The following GATA5 variants were observed in gnomAD, a reference collection of about 807,000 sequenced individuals.
GATA5 encodes the protein GATA binding protein 5, also known as transcription factor GATA-5.
A neutral mutation model predicts 35.0 loss-of-function variants in GATA5; 27 were observed. The observed-to-expected ratio is 0.77, with a 90% confidence interval of 0.57 to 1.06. The LOEUF is 1.06. GATA5 is among the 50% of genes least tolerant of loss of function. The probability of loss-of-function intolerance (pLI) is 0.00; values close to 1 mark genes in which losing one functional copy is unlikely to be tolerated. For missense variants in GATA5, 612 were observed against 580.0 expected (o/e 1.06, Z -0.57); for synonymous variants, 306 against 267.8 (o/e 1.14, Z -1.39).
rs202078502 is a variant in GATA5, at chr20:62,464,909, G to A, written c.1121C>T (p.Thr374Met). Residue 374 changes from threonine to methionine, a missense_variant, in exon 7 of 7, where the codon ACG becomes ATG. By Grantham distance (81) the Thr-to-Met change is moderately conservative (BLOSUM62 -1). Coordinates refer to ENST00000252997, the MANE Select transcript of GATA5 (RefSeq NM_080473.5). ...GAGGCCAGCCTGGGGGCTTGGGGCC[G>A]TGGAGGGGAAGGCAAAGTCCTCAGG... ...FEPEDFAFPS[T>M]APSPQAGLRG... 3.0e-5 allele frequency: 49 copies of A among 1,611,218 alleles called. No homozygotes were observed. Among genetic ancestry groups the A allele is most frequent in the Admixed American group, 2.2e-4 (13 of 59,734 alleles).
At chr20:62,468,135 C>T (rs1003768645) in intron 3 of GATA5, among the ~76,000 whole-genome samples, 14 of 150,510 alleles carry the variant, frequency 9.3e-5, no homozygotes, top group African/African-American at 3.5e-4. Context: ...CACAGCCAGC[C>T]TCGGCTTCCC....
intron 3 of GATA5, 30 bp from the exon 4 acceptor site, chr20:62,466,581 C>T: frequency 6.5e-7 from 1 of 1,536,486 alleles, no homozygotes; most frequent in Non-Finnish European, 8.8e-7. Flanking sequence ...TGGAGTGAGC[C>T]CCGGGCCGGG....
At chr20:62,468,504 C>T (rs1555896294) in intron 3 of GATA5, among the ~76,000 whole-genome samples, 1 of 152,240 alleles carries the variant, frequency 6.6e-6, no homozygotes, top group Non-Finnish European at 1.5e-5. Context: ...CCCTCAACCC[C>T]CAGCCACAGC....
At chr20:62,475,573 A>C in intron 1 of GATA5, 31 bp from the exon 2 acceptor site, 42 of 1,219,680 alleles carry the variant, frequency 3.4e-5, no homozygotes, top group Non-Finnish European at 4.0e-5. Flanking sequence ...TGTGGAGGTC[A>C]CGGGAGCTCT....
At chr20:62,473,737 A>T (rs1569048589) in intron 2 of GATA5, among the ~76,000 whole-genome samples, 159 bp from the exon 3 acceptor site, 1 of 152,202 alleles carries the variant, frequency 6.6e-6, no homozygotes, top group Admixed American at 6.5e-5. Context: ...TTTATTTTAA[A>T]ATTTATTTGC....
At chr20:62,474,929 C>T (rs1989814650) in intron 2 of GATA5, 70 bp downstream of exon 2, 8 of 1,213,522 alleles carry the variant, frequency 6.6e-6, no homozygotes, top group Non-Finnish European at 8.3e-6. Context: ...GGGAGCGTTT[C>T]GCAGGGTGCG....
chr20:62,467,144 C>T (rs139206176), intron 3 of GATA5, among the ~76,000 whole-genome samples: 53 of 152,340 alleles, frequency 3.5e-4, no homozygotes, highest in African/African-American at 1.2e-3. Flanking sequence ...CCCTCCTTCC[C>T]GTGGCTCTCA....
At chr20:62,466,112 C>T (rs1268362367) in intron 4 of GATA5, among the ~76,000 whole-genome samples, 191 bp from the exon 5 acceptor site, 15 of 152,228 alleles carry the variant, frequency 9.9e-5, no homozygotes, top group African/African-American at 2.4e-5. Flanking sequence ...CCCATTCCCC[C>T]GTCCGACAGA....
In GATA5 at chr20:62,464,662, CG is replaced by C; in HGVS notation, c.*173del. Reference sequence around the variant, plus strand: ...TCACCAGCCTTCTTGCTCTGGGGCCCGACTGCCGTCTGTCCAGAAGGCCTCC... The same window carrying C: ...TCACCAGCCTTCTTGCTCTGGGGCCCACTGCCGTCTGTCCAGAAGGCCTCC... On this transcript the variant is annotated 3_prime_UTR_variant, in exon 7 of 7. Coordinates refer to ENST00000252997, the MANE Select transcript of GATA5 (RefSeq NM_080473.5). 7.6e-6 allele frequency: 4 copies of C among 525,576 alleles called. No individual in the cohort carries two copies. Among genetic ancestry groups the C allele is most frequent in the Non-Finnish European group, 6.4e-6 (2 of 311,500 alleles). 32.6% of individuals were successfully genotyped at this position (525,576 alleles called of 1,614,324 possible).
chr20:62,475,094 G>C lies in GATA5; in HGVS notation c.428C>G (p.Pro143Arg), dbSNP rs2146490220. Reference sequence around the variant, plus strand: ...GGCCACGTCGGGGCTCACGTAGGCCGGGTAGGTGGCGGAGTACGAGGTCCC... The same window carrying C: ...GGCCACGTCGGGGCTCACGTAGGCCCGGTAGGTGGCGGAGTACGAGGTCCC... ...PVGTSYSATY[P>R]AYVSPDVAQS... The change falls in exon 2 of 7, where the codon CCG becomes CGG. Residue 143 changes from proline (P) to arginine (R), a missense_variant. Pro to Arg is a moderately radical substitution (Grantham distance 103). Transcript: ENST00000252997. 4 of 1,404,566 alleles carry C rather than the reference G, an allele frequency of 2.8e-6. No individual in the cohort carries two copies. Among genetic ancestry groups the C allele is most frequent in the Non-Finnish European group, 2.8e-6 (3 of 1,075,826 alleles). The allele number at this position is 1,404,566 out of a possible 1,614,324, so 87.0% of individuals were successfully genotyped here. A position where few individuals can be genotyped will look rare whatever the true frequency, so the allele number is the denominator to read the frequency against.
intron 4 of GATA5, 66 bp from the exon 5 acceptor site, chr20:62,465,987 C>G: frequency 9.0e-7 from 1 of 1,115,592 alleles, no homozygotes; most frequent in South Asian, 1.3e-5. Context: ...TTGCACAGCA[C>G]CCCCTCATTC....
chr20:62,473,829 A>AT (rs1225542360), intron 2 of GATA5, among the ~76,000 whole-genome samples: 1 of 152,226 alleles, frequency 6.6e-6, no homozygotes, highest in Non-Finnish European at 1.5e-5. Context: ...GGGTGTTAAT[A>AT]AACAGAACCT....
At chr20:62,475,831 C>T (rs1989849021) in intron 1 of GATA5, 99 bp downstream of exon 1, 1 of 233,770 alleles carries the variant, frequency 4.3e-6, no homozygotes, top group Non-Finnish European at 8.3e-6. Flanking sequence ...GGGCCTGGCG[C>T]GGCCGCAGGA....
In GATA5 at chr20:62,475,249, G is replaced by A; in HGVS notation, c.273C>T (p.Thr91=). 6 of 1,246,616 alleles carry A rather than the reference G, an allele frequency of 4.8e-6. No homozygotes were observed. Among genetic ancestry groups the A allele is most frequent in the Non-Finnish European group, 6.0e-6 (6 of 995,382 alleles). The allele number at this position is 1,246,616 out of a possible 1,614,324, so 77.2% of individuals were successfully genotyped here. A position where few individuals can be genotyped will look rare whatever the true frequency, so the allele number is the denominator to read the frequency against. ...HPPAAHPPGA[T]AFPFAHSPSG... is the part of the protein sequence containing the mutation. Reference sequence around the variant, plus strand: ...AGGGGCTGTGCGCGAAAGGGAAGGCGGTGGCCCCGGGCGGGTGCGCGGCTG... The same window carrying A: ...AGGGGCTGTGCGCGAAAGGGAAGGCAGTGGCCCCGGGCGGGTGCGCGGCTG... Residue 91 remains threonine (T), a synonymous_variant, in exon 2 of 7, where the codon ACC becomes ACT. Transcript: ENST00000252997.
Position 62,464,906 on chromosome 20 carries a change from G to T in GATA5, c.1124C>A (p.Ala375Asp). 6.2e-7 allele frequency: 1 copy of T among 1,611,348 alleles called. No homozygotes were observed. The highest frequency in any genetic ancestry group is 8.5e-7 in the Non-Finnish European group (1 of 1,179,164). ...EPEDFAFPST[A>D]PSPQAGLRGA... is the part of the protein sequence containing the mutation. ...CCTGAGGCCAGCCTGGGGGCTTGGG[G>T]CCGTGGAGGGGAAGGCAAAGTCCTC... The change falls in exon 7 of 7, where the codon GCC (alanine) becomes GAC (aspartate). Residue 375 changes from alanine (A) to aspartate (D), a missense_variant. Transcript: ENST00000252997.
Position 62,470,161 on chromosome 20 carries a change from A to G in GATA5, c.699+3242T>C, listed in dbSNP as rs927302700. Among the ~76,000 whole-genome samples the G allele has an allele frequency of 6.6e-6, 1 of 152,238 alleles. No homozygotes were observed. The highest frequency in any genetic ancestry group is 1.5e-5 in the Non-Finnish European group (1 of 68,040). ...GCTCTGTGTGCATCTGAGACATCCA[A>G]ATAAATCAGGCTCTGGGCAGGGCAG... On this transcript the variant is annotated intron_variant, in intron 3 of 6. Transcript: ENST00000252997. The surrounding 1 kb of genome is among the most constrained non-coding windows in gnomAD (Gnocchi z 4.6).
At position 62,468,870 on chromosome 20, in the gene GATA5, C is replaced by T. The variant is rs1989656187; in HGVS notation, c.700-2319G>A. Among the ~76,000 whole-genome samples, 3 of 152,340 alleles carry T rather than the reference C, an allele frequency of 2.0e-5. 1 individual carries two copies. In the South Asian group the frequency reaches 6.2e-4, roughly 32 times the overall value. On this transcript the variant is annotated intron_variant, in intron 3 of 6. Coordinates refer to ENST00000252997, the MANE Select transcript of GATA5 (RefSeq NM_080473.5). ...TGCCTGGCCCCGGCTGGATGGTGGG[C>T]ACCCTTCGTGCAGGAGCAATTGGGG...
chr20:62,466,640 G>A (rs997508695), intron 3 of GATA5, 89 bp from the exon 4 acceptor site: 20 of 1,433,932 alleles, frequency 1.4e-5, no homozygotes, highest in Admixed American at 6.2e-5. Context: ...TCGGCCTTGC[G>A]GCCACGCAGG....
chr20:62,465,427 G>A lies in GATA5; in HGVS notation c.951C>T (p.Val317=), dbSNP rs782762753. The A allele has an allele frequency of 1.7e-5, 28 of 1,608,884 alleles. No individual in the cohort carries two copies. The East Asian group carries it at 2.9e-4, about 17-fold the overall frequency. The change falls in exon 6 of 7, where the codon GTC becomes GTT. Residue 317 remains valine (V), a synonymous_variant. Coordinates refer to ENST00000252997, the MANE Select transcript of GATA5 (RefSeq NM_080473.5). Reference sequence around the variant, plus strand: ...TGGCTGCTGAGCTGTCAGTGCTGGCGACAGCAGATGGGGAGGCCGAGGCAT... The same window carrying A: ...TGGCTGCTGAGCTGTCAGTGCTGGCAACAGCAGATGGGGAGGCCGAGGCAT... ...TRNASASPSA[V]ASTDSSAATS...
Sources: allele counts gnomAD v4.1 joint callset (sites outside exome capture counted in the v4.1 genomes callset), GRCh38; gene constraint gnomAD v4.1.1; non-coding constraint Gnocchi (gnomAD v3.1); transcripts MANE v1.5; gene names NCBI Gene and HGNC (gene_info 2026-07-23, HGNC 2026-07-21).